CYP2C19: variants seen among roughly 807,000 people sequenced by gnomAD.
CYP2C19 encodes cytochrome P450 2C19.
In CYP2C19, 59 loss-of-function variants were observed where a neutral mutation model predicts 40.9. That is an observed-to-expected ratio of 1.44 (90% CI 1.17 to 1.79). The LOEUF (loss-of-function observed/expected upper bound fraction) is 1.79. CYP2C19 is among the 40% of genes most tolerant of loss of function. The pLI, the probability that CYP2C19 is intolerant of heterozygous loss-of-function variation, is 0.00. For synonymous variants in CYP2C19, 253 were observed against 208.7 expected (o/e 1.21, Z -1.83); for missense variants, 754 against 596.9 (o/e 1.26, Z -2.74).
rs185242560 is a variant in CYP2C19, at chr10:94,794,881, G to T, written c.819+12884G>T. Among the ~76,000 whole-genome samples, 237 of 152,016 alleles carry T rather than the reference G, an allele frequency of 1.6e-3. 1 individual carries two copies. Among genetic ancestry groups the T allele is most frequent in the Non-Finnish European group, 2.8e-3 (187 of 67,978 alleles). On this transcript the variant is annotated intron_variant, in intron 5 of 8. Transcript: ENST00000371321. Reference sequence around the variant, plus strand: ...AATTTAACTTCCTCTTTTCCTAATTGAATACCCTTTATTTCTTTCTCCTGC... The same window carrying T: ...AATTTAACTTCCTCTTTTCCTAATTTAATACCCTTTATTTCTTTCTCCTGC...
intron 7 of CYP2C19, among the ~76,000 whole-genome samples, chr10:94,847,114 A>G (rs916097640): frequency 2.0e-5 from 3 of 151,728 alleles, no homozygotes; most frequent in East Asian, 1.9e-4. Flanking sequence ...TTTAGGGTAC[A>G]TGTGCACAAC....
chr10:94,852,852 C>T lies in CYP2C19; in HGVS notation c.1411C>T (p.Pro471Ser). The change falls in exon 9 of 9, where the codon CCT becomes TCT. Residue 471 changes from proline to serine, a missense_variant. By Grantham distance (74) the Pro-to-Ser change is moderately conservative. Transcript: ENST00000371321. The stretch of plus-strand genomic sequence containing the variant: ...TGACCCAAAGGACCTTGACACAACT[C>T]CTGTTGTCAATGGATTTGCTTCTGT... ...LIDPKDLDTT[P>S]VVNGFASVPP... 6.2e-7 allele frequency: 1 copy of T among 1,614,054 alleles called. No individual in the cohort carries two copies. Among genetic ancestry groups the T allele is most frequent in the Non-Finnish European group, 8.5e-7 (1 of 1,179,968 alleles).
At chr10:94,790,886 A>G (rs1047491373) in intron 5 of CYP2C19, among the ~76,000 whole-genome samples, 2 of 152,282 alleles carry the variant, frequency 1.3e-5, no homozygotes, top group Non-Finnish European at 1.5e-5. Context: ...GCCTCACAAA[A>G]TGATTAGAGA....
intron 1 of CYP2C19, among the ~76,000 whole-genome samples, chr10:94,771,499 T>C (rs1848330219): frequency 6.6e-6 from 1 of 152,158 alleles, no homozygotes; most frequent in Non-Finnish European, 1.5e-5. Flanking sequence ...TATACTTCCC[T>C]CAGTTGGCCA....
chr10:94,797,609 T>C (rs1848707219), intron 5 of CYP2C19, among the ~76,000 whole-genome samples: 1 of 152,024 alleles, frequency 6.6e-6, no homozygotes, highest in African/African-American at 2.4e-5. Context: ...CTGTGAATCC[T>C]TCTGGTCCTG....
At chr10:94,815,417 T>C (rs1848986642) in intron 5 of CYP2C19, among the ~76,000 whole-genome samples, 1 of 152,192 alleles carries the variant, frequency 6.6e-6, no homozygotes, top group Admixed American at 6.5e-5. Flanking sequence ...ATATTGATGA[T>C]CTCTTGTACT....
chr10:94,849,049 C>A (rs1849613901), intron 7 of CYP2C19, among the ~76,000 whole-genome samples: 1 of 152,150 alleles, frequency 6.6e-6, no homozygotes, highest in African/African-American at 2.4e-5. Flanking sequence ...TTCATCTTTT[C>A]CTAATTGAAT....
At chr10:94,808,364 A>G (rs1248972779) in intron 5 of CYP2C19, among the ~76,000 whole-genome samples, 1 of 152,192 alleles carries the variant, frequency 6.6e-6, no homozygotes, top group East Asian at 1.9e-4. Flanking sequence ...TAAAAATGCC[A>G]TGTGTAATAA....
At chr10:94,772,901 C>A (rs1589818264) in intron 1 of CYP2C19, among the ~76,000 whole-genome samples, 1 of 152,174 alleles carries the variant, frequency 6.6e-6, no homozygotes. Flanking sequence ...CCTGCCTCAG[C>A]CTCCCGAGTA....
intron 6 of CYP2C19, among the ~76,000 whole-genome samples, chr10:94,830,843 G>A (rs1485936559): frequency 3.3e-5 from 5 of 152,138 alleles, no homozygotes; most frequent in African/African-American, 7.2e-5. Context: ...GGCATGCAAT[G>A]TGAAATAAGC....
At chr10:94,767,581 A>G (rs552934553) in intron 1 of CYP2C19, among the ~76,000 whole-genome samples, 80 of 152,280 alleles carry the variant, frequency 5.3e-4, no homozygotes, top group African/African-American at 1.7e-3. Context: ...TTCCCCCCAA[A>G]GGGGCCCTAT....
intron 5 of CYP2C19, among the ~76,000 whole-genome samples, chr10:94,813,827 G>A (rs1390699934): frequency 6.6e-6 from 1 of 151,410 alleles, no homozygotes; most frequent in East Asian, 1.9e-4. Flanking sequence ...AGCACCACTG[G>A]GGCATAAAAA....
In CYP2C19 at chr10:94,782,675, C is replaced by T. The variant is rs539531888; in HGVS notation, c.819+678C>T. On this transcript the variant is annotated intron_variant, in intron 5 of 8. Coordinates refer to ENST00000371321, the MANE Select transcript of CYP2C19 (RefSeq NM_000769.4). The stretch of plus-strand genomic sequence containing the variant: ...CACATGTACACATTTGTTTATTGTG[C>T]CACTATTCACAATAGCCAAGACTTG... Among the ~76,000 whole-genome samples, 5 of 152,044 alleles carry T rather than the reference C, an allele frequency of 3.3e-5. No homozygotes were observed. In the South Asian group the frequency reaches 8.4e-4, roughly 25 times the overall value.
intron 5 of CYP2C19, among the ~76,000 whole-genome samples, chr10:94,803,077 A>C (rs1848787887): frequency 6.6e-6 from 1 of 152,024 alleles, no homozygotes; most frequent in African/African-American, 2.4e-5. Context: ...CAATTTATTT[A>C]GGGTTCATTG....
rs1407381598 is a variant in CYP2C19, at chr10:94,780,444, A to G, written c.482-55A>G. On this transcript the variant is annotated intron_variant, in intron 3 of 8. Coordinates refer to ENST00000371321, the MANE Select transcript of CYP2C19 (RefSeq NM_000769.4). ...CTATTATTATCTGTTAACAAATATG[A>G]AGTGTTTTATATCTAATGTTTACTC... 9.4e-6 allele frequency: 15 copies of G among 1,593,406 alleles called. No individual in the cohort carries two copies. The East Asian group carries it at 2.9e-4, about 31-fold the overall frequency.
At chr10:94,765,777 T>G (rs1332129074) in intron 1 of CYP2C19, among the ~76,000 whole-genome samples, 1 of 152,108 alleles carries the variant, frequency 6.6e-6, no homozygotes, top group Non-Finnish European at 1.5e-5. Flanking sequence ...ACAATCCATC[T>G]GGATAGAGCT....
intron 6 of CYP2C19, among the ~76,000 whole-genome samples, chr10:94,842,270 G>C (rs7076598): frequency 3.3e-5 from 5 of 151,468 alleles, no homozygotes; most frequent in Non-Finnish European, 5.9e-5. Flanking sequence ...TACAGTTTTC[G>C]TCTTGAAATC....
At chr10:94,765,074 G>A (rs2134228974) in intron 1 of CYP2C19, among the ~76,000 whole-genome samples, 1 of 152,270 alleles carries the variant, frequency 6.6e-6, no homozygotes, top group South Asian at 2.1e-4. Context: ...TTGCCAAAGA[G>A]TCTATTTGGG....
intron 7 of CYP2C19, among the ~76,000 whole-genome samples, chr10:94,847,987 A>G (rs1849598211): frequency 6.6e-6 from 1 of 152,216 alleles, no homozygotes; most frequent in Non-Finnish European, 1.5e-5. Flanking sequence ...GCCCTTCGTC[A>G]GATGAGTAGA....
Sources: gnomAD v4.1 joint callset for allele counts (sites outside exome capture counted in the v4.1 genomes callset) on GRCh38, gnomAD v4.1.1 for gene constraint, MANE v1.5 for transcripts, NCBI Gene and HGNC (gene_info 2026-07-23, HGNC 2026-07-21) for gene names.